DNAI4: variants seen among roughly 807,000 people sequenced by gnomAD.
The protein encoded by DNAI4 is WD repeat domain 78.
A neutral mutation model predicts 105.8 loss-of-function variants in DNAI4; 85 were observed. The ratio of observed to expected loss-of-function variants is 0.80; its 90% CI spans 0.67 to 0.96. The LOEUF (loss-of-function observed/expected upper bound fraction) is 0.96, where lower values mean the gene tolerates loss of function less well. Ranked by LOEUF, DNAI4 falls within the 40% of genes least tolerant of loss-of-function variation. DNAI4 has a pLI of 0.00. For synonymous variants in DNAI4, 352 were observed against 331.5 expected (o/e 1.06, Z -0.67); for missense variants, 1,014 against 1,005.6 (o/e 1.01, Z -0.11).
chr1:66,905,477 C>A, intron 1 of DNAI4, 102 bp from the exon 2 acceptor site: 1 of 675,860 alleles, frequency 1.5e-6, no homozygotes, highest in East Asian at 3.1e-5. Context: ...TGTGAACAAT[C>A]TAAACATATA....
intron 5 of DNAI4, among the ~76,000 whole-genome samples, chr1:66,871,891 T>C (rs1646854565): frequency 6.6e-6 from 1 of 152,206 alleles, no homozygotes; most frequent in South Asian, 2.1e-4. Context: ...GAGATTTATG[T>C]TATTAACTTT....
At chr1:66,836,203 A>AGAAG (rs1645995255) in intron 10 of DNAI4, among the ~76,000 whole-genome samples, 1 of 33,794 alleles carries the variant, frequency 3.0e-5, no homozygotes, top group African/African-American at 8.4e-5. Flanking sequence ...AAAGAAAGAA[A>AGAAG]GAAAGAGAGA....
At chr1:66,872,217 ATTAT>A (rs1553222758) in intron 5 of DNAI4, among the ~76,000 whole-genome samples, 56 of 117,494 alleles carry the variant, frequency 4.8e-4, no homozygotes, top group East Asian at 5.9e-4. Flanking sequence ...TTATTTATTT[ATTAT>A]TTATTTATTT....
chr1:66,897,626 C>G (rs1281874051), intron 2 of DNAI4, among the ~76,000 whole-genome samples: 2 of 152,172 alleles, frequency 1.3e-5, no homozygotes, highest in Non-Finnish European at 2.9e-5. Context: ...CTACCCAGAA[C>G]TACCTTGGGT....
chr1:66,914,714 G>GA (rs201343042), intron 1 of DNAI4, among the ~76,000 whole-genome samples: 177 of 141,112 alleles, frequency 1.3e-3, no homozygotes, highest in African/African-American at 2.7e-3. Context: ...AGGAAAAAAT[G>GA]AAAAAAAAAA....
chr1:66,862,618 TTTTACAATATA>T (rs1189581551), intron 6 of DNAI4, among the ~76,000 whole-genome samples: 8 of 152,142 alleles, frequency 5.3e-5, no homozygotes, highest in African/African-American at 1.7e-4. Context: ...AACACTATTG[TTTTACAATATA>T]ACTGGAAGTG....
chr1:66,848,819 TGAAA>T (rs201327900), intron 7 of DNAI4, among the ~76,000 whole-genome samples: 1 of 152,086 alleles, frequency 6.6e-6, no homozygotes, highest in East Asian at 1.9e-4. Flanking sequence ...AGCATAGCCT[TGAAA>T]GAAAGAAAGC....
chr1:66,847,037 A>G (rs476232), intron 8 of DNAI4, among the ~76,000 whole-genome samples: 115,519 of 152,056 alleles, frequency 0.76, 44,390 homozygotes, highest in Non-Finnish European at 0.82. Flanking sequence ...GAGAGATACT[A>G]TAAAAATGAC....
At chr1:66,842,677 G>A (rs1443446503) in intron 8 of DNAI4, among the ~76,000 whole-genome samples, 5 of 152,112 alleles carry the variant, frequency 3.3e-5, no homozygotes, top group Non-Finnish European at 7.4e-5. Flanking sequence ...GATTACAGGT[G>A]TGAGCTACCA....
intron 3 of DNAI4, among the ~76,000 whole-genome samples, chr1:66,891,578 C>T (rs1647650401): frequency 6.6e-6 from 1 of 152,246 alleles, no homozygotes; most frequent in South Asian, 2.1e-4. Flanking sequence ...TCTCCTGCCT[C>T]AGCCTCCTGA....
At chr1:66,848,231 T>G in intron 7 of DNAI4, 1 of 456,240 alleles carries the variant, frequency 2.2e-6, no homozygotes, top group Non-Finnish European at 4.4e-6. Flanking sequence ...CCACAACCTT[T>G]CCTTCATCTT....
intron 6 of DNAI4, among the ~76,000 whole-genome samples, chr1:66,863,553 G>A (rs796319700): frequency 3.3e-5 from 5 of 152,164 alleles, no homozygotes; most frequent in African/African-American, 1.2e-4. Context: ...ATGTGTCCCG[G>A]GTTCAAGTGA....
chr1:66,861,041 G>A (rs1569616265), intron 7 of DNAI4, among the ~76,000 whole-genome samples: 1 of 152,066 alleles, frequency 6.6e-6, no homozygotes, highest in Admixed American at 6.5e-5. Context: ...CTTATTGAAA[G>A]TTAAGATTCA....
intron 7 of DNAI4, among the ~76,000 whole-genome samples, chr1:66,852,745 T>C (rs1302203294): frequency 6.6e-6 from 1 of 152,034 alleles, no homozygotes; most frequent in African/African-American, 2.4e-5. Context: ...TATAAACTCA[T>C]GTGTTGAAAT....
intron 7 of DNAI4, among the ~76,000 whole-genome samples, chr1:66,854,845 AAGATCTAAATAAATG>A (rs1378981161): frequency 6.6e-6 from 1 of 152,174 alleles, no homozygotes; most frequent in East Asian, 1.9e-4. Flanking sequence ...AAAAAGTTCA[AAGATCTAAATAAATG>A]AGATCTAAAT....
At position 66,893,260 on chromosome 1, in the gene DNAI4, T is replaced by C. The variant is rs1316112893; in HGVS notation, c.499A>G (p.Ile167Val). The change falls in exon 3 of 17, where the codon ATA becomes GTA. Residue 167 changes from isoleucine to valine, a missense_variant. By Grantham distance (29) the Ile-to-Val change is conservative. Coordinates refer to ENST00000371026, the MANE Select transcript of DNAI4 (RefSeq NM_024763.5). ...ISSYSLYQNT[I>V]NPSTLGQFTR... Reference sequence around the variant, plus strand: ...AACTGCCCTAACGTACTAGGATTTATTGTATTCTGATAAAGGCTATAGGAA... The same window carrying C: ...AACTGCCCTAACGTACTAGGATTTACTGTATTCTGATAAAGGCTATAGGAA... 1 of 1,602,396 alleles carries C rather than the reference T, an allele frequency of 6.2e-7. No homozygotes were observed. Among genetic ancestry groups the C allele is most frequent in the African/African-American group, 1.3e-5 (1 of 74,344 alleles).
intron 1 of DNAI4, among the ~76,000 whole-genome samples, chr1:66,918,509 G>T (rs1650237381): frequency 6.6e-6 from 1 of 151,604 alleles, no homozygotes; most frequent in African/African-American, 2.4e-5. Flanking sequence ...AACTTCAGAA[G>T]AAAATAAACA....
At chr1:66,821,991 T>C (rs1645636282) in intron 16 of DNAI4, among the ~76,000 whole-genome samples, 1 of 152,124 alleles carries the variant, frequency 6.6e-6, no homozygotes. Flanking sequence ...TTGGAAAATA[T>C]CTAAAAATAG....
At chr1:66,916,502 G>A (rs1211236460) in intron 1 of DNAI4, among the ~76,000 whole-genome samples, 2 of 152,160 alleles carry the variant, frequency 1.3e-5, no homozygotes, top group Admixed American at 1.3e-4. Context: ...GCATCCCTGA[G>A]ACACAGGGCC....
Sources: gnomAD v4.1 joint callset for allele counts (sites outside exome capture counted in the v4.1 genomes callset) on GRCh38, gnomAD v4.1.1 for gene constraint, MANE v1.5 for transcripts, NCBI Gene and HGNC (gene_info 2026-07-23, HGNC 2026-07-21) for gene names.